The following TDRD3 variants were observed in gnomAD, a reference collection of about 807,000 sequenced individuals.
The protein encoded by TDRD3 is tudor domain containing 3, also known as tudor domain-containing protein 3.
Under a neutral mutation model 86.7 loss-of-function variants are expected in TDRD3, and 45 were observed. The ratio of observed to expected loss-of-function variants is 0.52; its 90% CI spans 0.41 to 0.67. The LOEUF (loss-of-function observed/expected upper bound fraction) is 0.67, where lower values mean the gene tolerates loss of function less well. TDRD3 is among the 30% of genes least tolerant of loss of function. TDRD3 has a pLI of 0.00. For missense variants in TDRD3, 814 were observed against 889.0 expected (o/e 0.92, Z 1.07); for synonymous variants, 298 against 301.7 (o/e 0.99, Z 0.13).
chr13:60,432,497 C>A (rs1192422966), intron 1 of TDRD3, among the ~76,000 whole-genome samples: 1 of 152,082 alleles, frequency 6.6e-6, no homozygotes, highest in Non-Finnish European at 1.5e-5. Flanking sequence ...CAAGTTAATT[C>A]TTTCAGTGTC....
At chr13:60,494,858 A>AT (rs1956680202) in intron 8 of TDRD3, among the ~76,000 whole-genome samples, 1 of 152,096 alleles carries the variant, frequency 6.6e-6, no homozygotes, top group Non-Finnish European at 1.5e-5. Flanking sequence ...AAAAACATAC[A>AT]TTTTTCTGTG....
At chr13:60,438,152 A>T (rs1196517436) in intron 1 of TDRD3, among the ~76,000 whole-genome samples, 1 of 152,156 alleles carries the variant, frequency 6.6e-6, no homozygotes, top group Non-Finnish European at 1.5e-5. Flanking sequence ...TTTTCACATA[A>T]GCGGGGCATA....
At chr13:60,413,726 T>G (rs1954423359) in intron 1 of TDRD3, among the ~76,000 whole-genome samples, 1 of 152,140 alleles carries the variant, frequency 6.6e-6, no homozygotes. Flanking sequence ...TGCCCTTTAC[T>G]CTATTTTAGA....
At chr13:60,495,528 A>G (rs1365105557) in intron 8 of TDRD3, among the ~76,000 whole-genome samples, 3 of 151,916 alleles carry the variant, frequency 2.0e-5, no homozygotes, top group African/African-American at 4.8e-5. Context: ...CAATGGCTCA[A>G]TCTTGGCTCA....
chr13:60,573,264 C>A (rs962470856), intron 13 of TDRD3, among the ~76,000 whole-genome samples: 1 of 152,090 alleles, frequency 6.6e-6, no homozygotes, highest in African/African-American at 2.4e-5. Context: ...TAGGGAAAGA[C>A]GTGGTTCATT....
intron 13 of TDRD3, among the ~76,000 whole-genome samples, chr13:60,572,007 G>A (rs746840953): frequency 3.3e-5 from 5 of 152,174 alleles, no homozygotes; most frequent in Non-Finnish European, 5.9e-5. Context: ...TTGGAAATAT[G>A]AGCAGATATA....
At chr13:60,464,018 TAAA>T (rs1594965688) in intron 4 of TDRD3, among the ~76,000 whole-genome samples, 1 of 152,136 alleles carries the variant, frequency 6.6e-6, no homozygotes, top group Non-Finnish European at 1.5e-5. Context: ...CGCTGGTTGT[TAAA>T]AAGAGCCTGG....
chr13:60,415,158 A>T (rs77307911), intron 1 of TDRD3, among the ~76,000 whole-genome samples: 1 of 152,058 alleles, frequency 6.6e-6, no homozygotes, highest in South Asian at 2.1e-4. Flanking sequence ...GATGTTTTAT[A>T]ACAGTGTTTA....
intron 1 of TDRD3, among the ~76,000 whole-genome samples, chr13:60,397,768 G>A (rs1342261957): frequency 2.0e-5 from 3 of 151,814 alleles, no homozygotes; most frequent in Admixed American, 6.6e-5. Context: ...CGGCTTCTCC[G>A]GGGAGGGGGT....
intron 5 of TDRD3, among the ~76,000 whole-genome samples, chr13:60,479,333 A>G (rs1956263822): frequency 6.6e-6 from 1 of 152,166 alleles, no homozygotes; most frequent in Admixed American, 6.5e-5. Flanking sequence ...GTTGATTTCT[A>G]TTTTTAATGC....
chr13:60,544,884 T>G (rs897442537), intron 12 of TDRD3, among the ~76,000 whole-genome samples: 10 of 152,170 alleles, frequency 6.6e-5, no homozygotes, highest in African/African-American at 2.4e-4. Flanking sequence ...CTTGATAGTA[T>G]CAGAATTTTA....
intron 5 of TDRD3, among the ~76,000 whole-genome samples, chr13:60,475,289 T>C (rs1464606581): frequency 1.3e-5 from 2 of 152,184 alleles, no homozygotes; most frequent in East Asian, 3.8e-4. Context: ...CCCATCTCTG[T>C]GTCCATGTGT....
chr13:60,480,611 C>T (rs1956288328), intron 5 of TDRD3, among the ~76,000 whole-genome samples: 1 of 152,188 alleles, frequency 6.6e-6, no homozygotes, highest in Admixed American at 6.5e-5. Flanking sequence ...CTCTTCTTCT[C>T]TTTCTGGAAT....
intron 1 of TDRD3, among the ~76,000 whole-genome samples, chr13:60,417,007 GTCTC>G (rs1237962728): frequency 2.0e-5 from 3 of 149,882 alleles, no homozygotes; most frequent in Non-Finnish European, 3.0e-5. Flanking sequence ...TAACTGATCA[GTCTC>G]TCTCTCTCTT....
At chr13:60,492,255 A>C (rs1234269884) in intron 7 of TDRD3, among the ~76,000 whole-genome samples, 1 of 152,216 alleles carries the variant, frequency 6.6e-6, no homozygotes, top group African/African-American at 2.4e-5. Flanking sequence ...TAGGGGATGT[A>C]AATTTTGGAA....
chr13:60,463,754 A>T (rs1566211936), intron 4 of TDRD3, among the ~76,000 whole-genome samples: 1 of 152,244 alleles, frequency 6.6e-6, no homozygotes. Flanking sequence ...CAACAGGCAT[A>T]TGAAAAAATG....
chr13:60,509,535 T>G (rs1957012872), intron 8 of TDRD3: 1 of 491,872 alleles, frequency 2.0e-6, no homozygotes, highest in Non-Finnish European at 3.6e-6. Context: ...GTGTGTTGCT[T>G]TTGCAGTGTT....
Position 60,511,405 on chromosome 13 carries a change from C to CTTTTATAACAA in TDRD3, c.1141+650_1141+651insTTTTATAACAA, listed in dbSNP as rs1348017178. 5.3e-5 allele frequency among the ~76,000 whole-genome samples: 8 copies of CTTTTATAACAA among 152,130 alleles called. No individual in the cohort carries two copies. In the South Asian group the frequency reaches 1.7e-3, roughly 32 times the overall value. ...GCTTTTATAACAAATATGAAATGTT[C>CTTTTATAACAA]AGATTTCATAAAAATTGAAGCATGT... On this transcript the variant is annotated intron_variant, in intron 10 of 13. Coordinates refer to ENST00000377881, the MANE Select transcript of TDRD3 (RefSeq NM_001146070.2).
At position 60,410,893 on chromosome 13, in the gene TDRD3, A is replaced by G. The variant is rs780182686; in HGVS notation, c.41+13488A>G. On this transcript the variant is annotated intron_variant, in intron 1 of 13. Transcript: ENST00000377881. ...ATGTTTTTTCCCTGTTTAATTACTCATTCATCAAAAGTCTTTATAAACATA... is the reference window on the plus strand; with the variant it reads ...ATGTTTTTTCCCTGTTTAATTACTCGTTCATCAAAAGTCTTTATAAACATA... Among the ~76,000 whole-genome samples, 3 of 152,078 alleles carry G rather than the reference A, an allele frequency of 2.0e-5. No homozygotes were observed. The East Asian group carries it at 5.8e-4, about 29-fold the overall frequency.
Sources: gnomAD v4.1 joint callset for allele counts (sites outside exome capture counted in the v4.1 genomes callset) on GRCh38, gnomAD v4.1.1 for gene constraint, MANE v1.5 for transcripts, NCBI Gene and HGNC (gene_info 2026-07-23, HGNC 2026-07-21) for gene names.